The following TAOK1 variants were observed in gnomAD, a reference collection of about 807,000 sequenced individuals.
TAOK1 encodes the protein TAO kinase 1.
Under a neutral mutation model 138.3 loss-of-function variants are expected in TAOK1, and 21 were observed. That is an observed-to-expected ratio of 0.15 (90% confidence interval 0.11 to 0.22). The LOEUF is 0.22. Ranked by LOEUF, TAOK1 falls within the 10% of genes least tolerant of loss-of-function variation. The pLI, the probability that TAOK1 is intolerant of heterozygous loss-of-function variation, is 1.00. For missense variants in TAOK1, 651 were observed against 1,227.7 expected, an observed-to-expected ratio of 0.53 and a Z score of 7.02; for synonymous variants, 361 against 398.4, an observed-to-expected ratio of 0.91 and a Z score of 1.12.
At chr17:29,508,255 A>G in intron 14 of TAOK1, 123 bp downstream of exon 14, 1 of 790,400 alleles carries the variant, frequency 1.3e-6, no homozygotes, top group Non-Finnish European at 2.1e-6. Flanking sequence ...GGAAAAGGAG[A>G]AGCATTTATG....
chr17:29,482,987 C>T (rs1274867543), intron 8 of TAOK1, among the ~76,000 whole-genome samples: 1 of 152,084 alleles, frequency 6.6e-6, no homozygotes, highest in Non-Finnish European at 1.5e-5. Flanking sequence ...AGATGCTGGC[C>T]GTCTTCTTGC....
intron 18 of TAOK1, 40 bp from the exon 19 acceptor site, chr17:29,534,078 G>A: frequency 2.6e-6 from 4 of 1,550,262 alleles, no homozygotes; most frequent in Non-Finnish European, 3.5e-6. Flanking sequence ...GCTAACATTA[G>A]GATATATCTT....
chr17:29,395,824 A>ATTTTTTTTT (rs1187461666), intron 1 of TAOK1, among the ~76,000 whole-genome samples: 12 of 72,102 alleles, frequency 1.7e-4, no homozygotes, highest in East Asian at 8.9e-4. Context: ...CGTCTGGCTA[A>ATTTTTTTTT]TTTTTTTTTT....
At position 29,534,522 on chromosome 17, in the gene TAOK1, G is replaced by T. The variant is rs554724911; in HGVS notation, c.2544+222G>T. On this transcript the variant is annotated intron_variant, in intron 19 of 19. Transcript: ENST00000261716. Reference sequence around the variant, plus strand: ...GAAATCAAGGGAATATAATTAAGTAGTAATTGCTAGAGAAAAGATATGGGT... The same window carrying T: ...GAAATCAAGGGAATATAATTAAGTATTAATTGCTAGAGAAAAGATATGGGT... Among the ~76,000 whole-genome samples the T allele has an allele frequency of 1.8e-3, 276 of 152,266 alleles. 2 individuals are homozygous for T. The highest frequency in any genetic ancestry group is 3.4e-3 in the Non-Finnish European group (229 of 68,016).
In TAOK1 at chr17:29,530,452, A is replaced by C. The variant is rs2032082368; in HGVS notation, c.2194A>C (p.Ile732Leu). 1.2e-6 allele frequency: 2 copies of C among 1,614,066 alleles called. No individual in the cohort carries two copies. Among genetic ancestry groups the C allele is most frequent in the African/African-American group, 1.3e-5 (1 of 74,930 alleles). ...IKKQFQDTCK[I>L]QTRQYKALRN... ...AAAGCAGTTTCAGGATACCTGCAAA[A>C]TCCAAACCAGACAGTACAAAGCATT... is the stretch of plus-strand genomic sequence containing the variant. The change falls in exon 18 of 20, where the codon ATC (isoleucine) becomes CTC (leucine). Residue 732 changes from isoleucine (I) to leucine (L), a missense_variant. Transcript: ENST00000261716.
Position 29,493,036 on chromosome 17 carries a change from G to C in TAOK1, c.831+1171G>C, listed in dbSNP as rs560798240. ...GACTCGTGTAGTCCCAAATACTCAG[G>C]AGGCGGAGGCACAAAAAGCTTGAAC... On this transcript the variant is annotated intron_variant, in intron 10 of 19. Transcript: ENST00000261716. Among the ~76,000 whole-genome samples the C allele has an allele frequency of 3.9e-5, 6 of 152,026 alleles. No homozygotes were observed. In the South Asian group the frequency reaches 1.0e-3, roughly 26 times the overall value.
chr17:29,442,994 A>G (rs1355611890), intron 1 of TAOK1, among the ~76,000 whole-genome samples: 3 of 152,138 alleles, frequency 2.0e-5, no homozygotes, highest in Admixed American at 1.3e-4. Context: ...TGTTATAATT[A>G]CATATGTGTG....
At chr17:29,408,391 A>G (rs151238267) in intron 1 of TAOK1, among the ~76,000 whole-genome samples, 8 of 150,764 alleles carry the variant, frequency 5.3e-5, no homozygotes, top group Admixed American at 5.3e-4. Flanking sequence ...ACACCTGGCT[A>G]ATTTTTTAGA....
intron 2 of TAOK1, among the ~76,000 whole-genome samples, chr17:29,459,717 AGATATCTCTT>A (rs1394539367): frequency 1.3e-5 from 2 of 152,234 alleles, no homozygotes; most frequent in Non-Finnish European, 1.5e-5. Context: ...ATGAGAGTGC[AGATATCTCTT>A]TGATAATACT....
Position 29,390,417 on chromosome 17 carries a change from CAA to C in TAOK1, c.-700_-699del, listed in dbSNP as rs1904375490. ...GCTCGGGGAGAGAGAGGGAGGGTGG[CAA>C]AGAGACTGAGTCGGTGCCGCCGCCT... is the stretch of plus-strand genomic sequence containing the variant. On this transcript the variant is annotated 5_prime_UTR_variant, in exon 1 of 20. Transcript: ENST00000261716. 6.6e-6 allele frequency: 1 copy of C among 152,394 alleles called. No individual in the cohort carries two copies. Among genetic ancestry groups the C allele is most frequent in the African/African-American group, 2.4e-5 (1 of 41,394 alleles). The allele number at this position is 152,394 out of a possible 1,614,324, so 9.4% of individuals were successfully genotyped here.
chr17:29,541,090 A>G (rs1567750216), intron 19 of TAOK1, among the ~76,000 whole-genome samples: 1 of 99,784 alleles, frequency 1.0e-5, no homozygotes. Flanking sequence ...GCTTCCCATG[A>G]AAAAAATTTT....
chr17:29,429,268 C>T (rs903731018), intron 1 of TAOK1, among the ~76,000 whole-genome samples: 16 of 151,792 alleles, frequency 1.1e-4, no homozygotes, highest in African/African-American at 3.6e-4. Context: ...TCTTGTATAC[C>T]TTTCATCTAC....
chr17:29,525,353 C>T (rs563741702), intron 17 of TAOK1, among the ~76,000 whole-genome samples: 3 of 151,986 alleles, frequency 2.0e-5, no homozygotes, highest in South Asian at 2.1e-4. Flanking sequence ...CCTCGTGATC[C>T]GCCCGCCTCG....
At chr17:29,520,569 A>G (rs2031895681) in intron 16 of TAOK1, among the ~76,000 whole-genome samples, 1 of 151,580 alleles carries the variant, frequency 6.6e-6, no homozygotes, top group African/African-American at 2.4e-5. Context: ...ATGCACCACC[A>G]TGGCCTGGTT....
intron 1 of TAOK1, among the ~76,000 whole-genome samples, chr17:29,397,607 C>CCAA (rs60665025): frequency 7.4e-5 from 7 of 94,610 alleles, no homozygotes; most frequent in African/African-American, 3.2e-4. Flanking sequence ...CGTCCCCCCC[C>CCAA]AAAAAAATAT....
chr17:29,518,446 C>T (rs984589171), intron 16 of TAOK1, among the ~76,000 whole-genome samples: 3 of 152,240 alleles, frequency 2.0e-5, no homozygotes, highest in Non-Finnish European at 2.9e-5. Context: ...GATCATGCCA[C>T]TGCACTCCAG....
rs762313690 is a variant in TAOK1 at position 29,475,689 on chromosome 17, A to G, written c.224A>G (p.Lys75Arg). 66 of 1,611,548 alleles carry G rather than the reference A, an allele frequency of 4.1e-5. No homozygotes were observed. The highest frequency in any genetic ancestry group is 5.4e-5 in the Non-Finnish European group (64 of 1,178,784). Residue 75 changes from lysine (K) to arginine (R), a missense_variant, in exon 4 of 20, where the codon AAG (lysine) becomes AGG (arginine). Around this residue, in one of 8 missense-constraint regions of TAOK1, gnomAD observed 116 missense variants for 213.9 expected, o/e 0.54. Coordinates refer to ENST00000261716, the MANE Select transcript of TAOK1 (RefSeq NM_020791.4). ...QSTEKWQDII[K>R]EVKFLQRIKH... ...CCACAGAAATGGCAGGATATTATTA[A>G]GGAAGTCAAGTTTCTACAAAGAATA...
intron 2 of TAOK1, among the ~76,000 whole-genome samples, chr17:29,455,728 TG>T: frequency 1.2e-5 from 1 of 83,674 alleles, no homozygotes; most frequent in East Asian, 2.9e-3. Flanking sequence ...CTGGATCATG[TG>T]TTTTTTTTTT....
chr17:29,417,403 G>A (rs976595385), intron 1 of TAOK1, among the ~76,000 whole-genome samples: 2 of 152,144 alleles, frequency 1.3e-5, no homozygotes, highest in Admixed American at 1.3e-4. Context: ...CTTATTAGAT[G>A]TAGGTTTTGC....
Sources: allele counts gnomAD v4.1 joint callset (sites outside exome capture counted in the v4.1 genomes callset), GRCh38; gene constraint gnomAD v4.1.1; regional missense constraint gnomAD v4.1.1; transcripts MANE v1.5; gene names NCBI Gene and HGNC (gene_info 2026-07-23, HGNC 2026-07-21).